DIPK1A: variants seen among roughly 807,000 people sequenced by gnomAD.
DIPK1A encodes the protein divergent protein kinase domain 1A, also known as family with sequence similarity 69 member A.
Under a neutral mutation model 40.8 loss-of-function variants are expected in DIPK1A, and 27 were observed. The ratio of observed to expected loss-of-function variants is 0.66; its 90% confidence interval spans 0.49 to 0.91. DIPK1A has a LOEUF of 0.91. Ranked by LOEUF, DIPK1A falls within the 40% of genes least tolerant of loss-of-function variation. The probability of loss-of-function intolerance (pLI) is 0.00; values close to 1 mark genes in which losing one functional copy is unlikely to be tolerated. For missense variants in DIPK1A, 412 were observed against 505.7 expected (o/e 0.81, Z 1.78); for synonymous variants, 166 against 171.3 (o/e 0.97, Z 0.24).
At chr1:92,896,318 T>C (rs986934810) in intron 1 of DIPK1A, among the ~76,000 whole-genome samples, 1 of 152,116 alleles carries the variant, frequency 6.6e-6, no homozygotes, top group Non-Finnish European at 1.5e-5. Flanking sequence ...TGTAGACCAA[T>C]GGAACAGAAC....
At chr1:92,919,279 C>A (rs1650181168) in intron 1 of DIPK1A, among the ~76,000 whole-genome samples, 1 of 152,124 alleles carries the variant, frequency 6.6e-6, no homozygotes, top group South Asian at 2.1e-4. Flanking sequence ...AAAAGTCACC[C>A]AAACATAAAA....
rs1553123759 is a variant in DIPK1A, at chr1:92,846,813, A to ATATATATGTGTG, written c.474+369_474+370insCACACATATATA. Reference sequence around the variant, plus strand: ...CTGGCATATATATATATATATATATATATATATATATATATATATATATAT... The same window carrying ATATATATGTGTG: ...CTGGCATATATATATATATATATATATATATATGTGTGTATATATATATATATATATATATAT... On this transcript the variant is annotated intron_variant, in intron 4 of 4. Coordinates refer to ENST00000370310, the MANE Select transcript of DIPK1A (RefSeq NM_001006605.5). Among the ~76,000 whole-genome samples, 26 of 3,650 alleles carry ATATATATGTGTG rather than the reference A, an allele frequency of 7.1e-3. 1 individual carries two copies. Among genetic ancestry groups the ATATATATGTGTG allele is most frequent in the East Asian group, 0.045 (5 of 110 alleles). 2.4% of individuals were successfully genotyped at this position (3,650 alleles called of 152,430 possible).
intron 1 of DIPK1A, among the ~76,000 whole-genome samples, chr1:92,910,788 T>C (rs540544130): frequency 1.3e-5 from 2 of 152,184 alleles, no homozygotes; most frequent in Non-Finnish European, 2.9e-5. Context: ...TACAATCTAC[T>C]GATTTTATTC....
At chr1:92,916,271 T>TA (rs36120846) in intron 1 of DIPK1A, among the ~76,000 whole-genome samples, 1 of 150,632 alleles carries the variant, frequency 6.6e-6, no homozygotes, top group Admixed American at 6.6e-5. Flanking sequence ...ATAAAGCTCT[T>TA]AAAAAAATGA....
downstream of DIPK1A, among the ~76,000 whole-genome samples, chr1:92,841,055 C>G (rs907373230): frequency 6.6e-6 from 1 of 152,174 alleles, no homozygotes; most frequent in Non-Finnish European, 1.5e-5. Context: ...TTTGTGGCAA[C>G]AACATTTGAA....
rs140494075 is a variant in DIPK1A, at chr1:92,848,884, G to C, written c.298-1525C>G. ...TATAATAATAATGCATATTTATATA[G>C]GAAAATTTAGGAACCATAAGATGAA... On this transcript the variant is annotated intron_variant, in intron 3 of 4. Transcript: ENST00000370310. Among the ~76,000 whole-genome samples, 255 of 152,198 alleles carry C rather than the reference G, an allele frequency of 1.7e-3. 1 individual carries two copies. Among genetic ancestry groups the C allele is most frequent in the African/African-American group, 6.0e-3 (248 of 41,534 alleles).
At chr1:92,880,263 A>C (rs915082433) in intron 1 of DIPK1A, among the ~76,000 whole-genome samples, 3 of 152,240 alleles carry the variant, frequency 2.0e-5, no homozygotes, top group Non-Finnish European at 4.4e-5. Context: ...TGACATTAGC[A>C]TTTTATCTTA....
intron 3 of DIPK1A, among the ~76,000 whole-genome samples, chr1:92,848,428 C>T (rs1687707206): frequency 6.6e-6 from 1 of 152,186 alleles, no homozygotes; most frequent in African/African-American, 2.4e-5. Flanking sequence ...CTTTCTGTGA[C>T]AGGTTGAAGC....
chr1:92,922,321 A>C (rs1469998478), intron 1 of DIPK1A, among the ~76,000 whole-genome samples: 1 of 137,710 alleles, frequency 7.3e-6, no homozygotes, highest in Non-Finnish European at 1.6e-5. Context: ...TTTTTGGAGA[A>C]ATTTTTCTTT....
intron 1 of DIPK1A, among the ~76,000 whole-genome samples, chr1:92,897,412 A>G (rs1037735033): frequency 6.6e-6 from 1 of 152,186 alleles, no homozygotes; most frequent in Non-Finnish European, 1.5e-5. Flanking sequence ...AGGACAAAAA[A>G]AACAAACACC....
chr1:92,864,257 CAAATATCTT>C (rs1302561195), intron 2 of DIPK1A, among the ~76,000 whole-genome samples: 1 of 152,114 alleles, frequency 6.6e-6, no homozygotes, highest in African/African-American at 2.4e-5. Context: ...AACATGGTTC[CAAATATCTT>C]AAATTTAGTA....
chr1:92,906,322 T>G (rs1435169576), intron 1 of DIPK1A, among the ~76,000 whole-genome samples: 1 of 152,162 alleles, frequency 6.6e-6, no homozygotes. Flanking sequence ...CTTAGACAGA[T>G]GAGTGTTAGC....
At chr1:92,869,434 C>G (rs182053096) in intron 2 of DIPK1A, among the ~76,000 whole-genome samples, 1 of 152,220 alleles carries the variant, frequency 6.6e-6, no homozygotes, top group Admixed American at 6.5e-5. Flanking sequence ...GCTAGGATTA[C>G]AGATGTGAGC....
chr1:92,935,641 A>C (rs1350936390), intron 1 of DIPK1A, among the ~76,000 whole-genome samples: 1 of 152,152 alleles, frequency 6.6e-6, no homozygotes, highest in Non-Finnish European at 1.5e-5. Flanking sequence ...AGGGTCACTG[A>C]AATTAGTTTT....
chr1:92,893,013 A>C (rs1387501112), intron 1 of DIPK1A, among the ~76,000 whole-genome samples: 1 of 152,126 alleles, frequency 6.6e-6, no homozygotes, highest in Non-Finnish European at 1.5e-5. Flanking sequence ...GAAAAGACCA[A>C]ATCTACATCT....
chr1:92,881,319 T>C, intron 1 of DIPK1A, among the ~76,000 whole-genome samples: 1 of 119,132 alleles, frequency 8.4e-6, no homozygotes, highest in Non-Finnish European at 1.7e-5. Flanking sequence ...GAATGGGGAC[T>C]CTGTCTCAAA....
rs549414340 is a variant in DIPK1A, at chr1:92,832,875, A to G, written c.*145T>C. On this transcript the variant is annotated 3_prime_UTR_variant, in exon 5 of 5. Coordinates refer to the DIPK1A transcript ENST00000615519. ...TGTGGCAGGTAATTTAGGCTTTTGA[A>G]AAACATAACATGGGAAGCGAGAGAG... The G allele has an allele frequency of 1.1e-4, 68 of 627,070 alleles. 1 individual carries two copies. The East Asian group carries it at 1.9e-3, about 17-fold the overall frequency. The allele number at this position is 627,070 out of a possible 1,614,324, so 38.8% of individuals were successfully genotyped here.
chr1:92,944,688 A>G (rs1163327843), intron 1 of DIPK1A, among the ~76,000 whole-genome samples: 4 of 152,172 alleles, frequency 2.6e-5, no homozygotes, highest in African/African-American at 4.8e-5. Flanking sequence ...GCTGGAGTGC[A>G]GTGGTGCGAT....
chr1:92,954,002 C>T (rs115530810), intron 1 of DIPK1A, among the ~76,000 whole-genome samples: 2,018 of 151,986 alleles, frequency 0.013, 22 homozygotes, highest in Middle Eastern at 0.037. Flanking sequence ...CATTAAATAC[C>T]CAATCAACAA....
Sources: gnomAD v4.1 joint callset for allele counts (sites outside exome capture counted in the v4.1 genomes callset) on GRCh38, gnomAD v4.1.1 for gene constraint, MANE v1.5 for transcripts, NCBI Gene and HGNC (gene_info 2026-07-23, HGNC 2026-07-21) for gene names.